Variants in ABCB1 observed in about 807,000 individuals in gnomAD.
ABCB1 encodes the protein ATP-dependent translocase ABCB1.
Under a neutral mutation model 142.0 loss-of-function variants are expected in ABCB1, and 69 were observed. The ratio of observed to expected loss-of-function variants is 0.49; its 90% CI spans 0.40 to 0.59. The LOEUF (loss-of-function observed/expected upper bound fraction) is 0.59, where lower values mean the gene tolerates loss of function less well. Ranked by LOEUF, ABCB1 falls within the 20% of genes least tolerant of loss-of-function variation. The pLI, the probability that ABCB1 is intolerant of heterozygous loss-of-function variation, is 0.00. For missense variants in ABCB1, 1,326 were observed against 1,554.7 expected, an observed-to-expected ratio of 0.85 and a Z score of 2.47; for synonymous variants, 532 against 539.2, an observed-to-expected ratio of 0.99 and a Z score of 0.18.
chr7:87,649,390 G>A (rs1823348968), intron 1 of ABCB1, among the ~76,000 whole-genome samples: 1 of 152,162 alleles, frequency 6.6e-6, no homozygotes, highest in African/African-American at 2.4e-5. Flanking sequence ...CAGAAAGCGT[G>A]GTTCTGCCTG....
At chr7:87,519,489 CTCATTCCACTT>C in intron 22 of ABCB1, 23 bp from the exon 23 acceptor site, 5 of 1,613,608 alleles carry the variant, frequency 3.1e-6, no homozygotes, top group Non-Finnish European at 2.5e-6. Flanking sequence ...CATTTGAAAA[CTCATTCCACTT>C]TCATTTCTCA....
intron 1 of ABCB1, among the ~76,000 whole-genome samples, chr7:87,644,569 G>C (rs1822792660): frequency 6.6e-6 from 1 of 152,048 alleles, no homozygotes; most frequent in South Asian, 2.1e-4. Context: ...GATTCTAGAT[G>C]TTTTCATGTA....
chr7:87,655,801 C>G (rs11973812), intron 1 of ABCB1, among the ~76,000 whole-genome samples: 7,319 of 152,184 alleles, frequency 0.048, 259 homozygotes, highest in East Asian at 0.09. Flanking sequence ...CCCTGTCCAA[C>G]AGTGCTGGGA....
intron 1 of ABCB1, among the ~76,000 whole-genome samples, chr7:87,639,246 C>T (rs1164437679): frequency 2.7e-5 from 4 of 148,946 alleles, no homozygotes; most frequent in African/African-American, 9.9e-5. Context: ...CGAATGAATT[C>T]TGTTGTGCAG....
At position 87,626,077 on chromosome 7, in the gene ABCB1, CATAT is replaced by C. The variant is rs372003612; in HGVS notation, c.-330-25003_-330-25000del. Among the ~76,000 whole-genome samples the C allele has an allele frequency of 2.8e-4, 24 of 84,298 alleles. 1 individual carries two copies. Among genetic ancestry groups the C allele is most frequent in the East Asian group, 6.5e-4 (2 of 3,098 alleles). 55.3% of individuals were successfully genotyped at this position (84,298 alleles called of 152,430 possible). ...TCTCATTCTGTCGCCCAGGCTGAGACATATATATATATATATATATATTGTCATA... is the reference window on the plus strand; with the variant it reads ...TCTCATTCTGTCGCCCAGGCTGAGACATATATATATATATATATTGTCATA... On this transcript the variant is annotated intron_variant, in intron 1 of 28. Transcript: ENST00000265724.
chr7:87,511,960 T>C (rs1584831964), intron 25 of ABCB1, among the ~76,000 whole-genome samples: 2 of 152,182 alleles, frequency 1.3e-5, no homozygotes, highest in East Asian at 3.9e-4. Context: ...CTGATGAAGG[T>C]TAAGCTTCAA....
intron 1 of ABCB1, among the ~76,000 whole-genome samples, chr7:87,679,315 C>T (rs1212460437): frequency 6.7e-6 from 1 of 149,238 alleles, no homozygotes; most frequent in Admixed American, 6.7e-5. Flanking sequence ...GGATGGTCTC[C>T]ATCTCCTGAC....
intron 1 of ABCB1, among the ~76,000 whole-genome samples, chr7:87,685,550 A>G (rs576605111): frequency 6.6e-6 from 1 of 152,308 alleles, no homozygotes; most frequent in South Asian, 2.1e-4. Flanking sequence ...TAAATGTCAG[A>G]TACATTATGG....
chr7:87,706,599 G>T (rs1395270924), intron 1 of ABCB1, among the ~76,000 whole-genome samples: 1 of 152,190 alleles, frequency 6.6e-6, no homozygotes, highest in Non-Finnish European at 1.5e-5. Context: ...CAGTCCTGGA[G>T]AGATGGATAT....
chr7:87,568,058 G>A (rs577809506), intron 5 of ABCB1, among the ~76,000 whole-genome samples: 6 of 150,600 alleles, frequency 4.0e-5, no homozygotes, highest in African/African-American at 1.5e-4. Flanking sequence ...AGCCGAGATC[G>A]TGCCACTGCA....
Position 87,504,673 on chromosome 7 carries a change from T to C in ABCB1, c.3637-224A>G, listed in dbSNP as rs148377756. ...ACAAAAAATTAGCTGGGCTTGGTGG[T>C]GGGTGCCTGTAGTCCCAGCTAGTCG... On this transcript the variant is annotated intron_variant, in intron 27 of 27. Coordinates refer to ENST00000622132, the MANE Select transcript of ABCB1 (RefSeq NM_001348946.2). 9.1e-3 allele frequency among the ~76,000 whole-genome samples: 1,376 copies of C among 151,870 alleles called. 6 individuals are homozygous for C. Among genetic ancestry groups the C allele is most frequent in the South Asian group, 0.021 (103 of 4,800 alleles).
At chr7:87,521,785 T>C in intron 21 of ABCB1, 1 of 799,520 alleles carries the variant, frequency 1.3e-6, no homozygotes, top group Non-Finnish European at 2.2e-6. Flanking sequence ...GAAAAAGATA[T>C]TTGTTGGTGG....
chr7:87,624,095 C>A (rs1820323057), intron 1 of ABCB1, among the ~76,000 whole-genome samples: 1 of 152,148 alleles, frequency 6.6e-6, no homozygotes, highest in Non-Finnish European at 1.5e-5. Flanking sequence ...TTCTCGGTCT[C>A]ATTTACTTTT....
intron 5 of ABCB1, among the ~76,000 whole-genome samples, chr7:87,568,138 G>A (rs528576815): frequency 1.4e-5 from 2 of 145,060 alleles, no homozygotes; most frequent in Non-Finnish European, 3.0e-5. Flanking sequence ...ATTCACACCT[G>A]TAATCCCAGC....
chr7:87,703,889 TTTTTTTTTTTTTTTTTTTTTTTTGG>T (rs1361610764), intron 1 of ABCB1, among the ~76,000 whole-genome samples: 5 of 104,702 alleles, frequency 4.8e-5, no homozygotes, highest in Non-Finnish European at 7.7e-5. Context: ...TTTTTTCTTT[TTTTTTTTTTTTTTTTTTTTTTTTGG>T]TTTTTTTTTT....
chr7:87,544,115 G>A lies in ABCB1; in HGVS notation c.2211+14C>T, dbSNP rs1334204459. On this transcript the variant is annotated intron_variant, in intron 17 of 27. Coordinates refer to ENST00000622132, the MANE Select transcript of ABCB1 (RefSeq NM_001348946.2). ...GATTCACAAGTAAATCACACAAATGGGCATCACACTTACCCCTATAATCTT... is the reference window on the plus strand; with the variant it reads ...GATTCACAAGTAAATCACACAAATGAGCATCACACTTACCCCTATAATCTT... The A allele has an allele frequency of 6.2e-7, 1 of 1,613,464 alleles. No individual in the cohort carries two copies. Among genetic ancestry groups the A allele is most frequent in the Admixed American group, 1.7e-5 (1 of 60,010 alleles).
chr7:87,638,299 T>C (rs1439395020), intron 1 of ABCB1, among the ~76,000 whole-genome samples: 1 of 152,024 alleles, frequency 6.6e-6, no homozygotes, highest in South Asian at 2.1e-4. Context: ...TCTGGTTTTG[T>C]CATTAAGATT....
chr7:87,597,963 C>T (rs1819274367), intron 2 of ABCB1, among the ~76,000 whole-genome samples: 1 of 152,022 alleles, frequency 6.6e-6, no homozygotes, highest in Admixed American at 6.5e-5. Flanking sequence ...AGAAGTCCTC[C>T]TTTTATTTTT....
At chr7:87,659,143 T>G (rs1404309041) in intron 1 of ABCB1, 4 of 376,104 alleles carry the variant, frequency 1.1e-5, no homozygotes, top group Non-Finnish European at 2.1e-5. Flanking sequence ...GCCTGGGCAA[T>G]AGAATGAGAC....
Sources: gnomAD v4.1 joint callset for allele counts (sites outside exome capture counted in the v4.1 genomes callset) on GRCh38, gnomAD v4.1.1 for gene constraint, MANE v1.5 for transcripts, NCBI Gene and HGNC (gene_info 2026-07-23, HGNC 2026-07-21) for gene names.